The following HPSE2 variants were observed in gnomAD, a reference collection of about 807,000 sequenced individuals.
HPSE2 encodes the protein inactive heparanase-2.
A neutral mutation model predicts 60.5 loss-of-function variants in HPSE2; 38 were observed. That is an observed-to-expected ratio of 0.63 (90% CI 0.48 to 0.82). HPSE2 has a LOEUF of 0.82. Among genes scored for constraint, HPSE2 ranks in the 40% least tolerant of loss-of-function variants. The probability of loss-of-function intolerance (pLI) is 0.00; values close to 1 mark genes in which losing one functional copy is unlikely to be tolerated. For missense variants in HPSE2, 713 were observed against 740.4 expected (o/e 0.96, Z 0.43); for synonymous variants, 295 against 293.2 (o/e 1.01, Z -0.06).
chr10:98,547,583 C>T (rs1215297565), intron 9 of HPSE2, among the ~76,000 whole-genome samples: 3 of 138,548 alleles, frequency 2.2e-5, no homozygotes, highest in African/African-American at 8.1e-5. Flanking sequence ...CATGTTCTCA[C>T]TCATAGGTGG....
At chr10:98,471,197 T>C (rs985545762) in intron 11 of HPSE2, among the ~76,000 whole-genome samples, 1 of 152,178 alleles carries the variant, frequency 6.6e-6, no homozygotes, top group African/African-American at 2.4e-5. Context: ...ATACAAATCA[T>C]CTGGGATCTT....
intron 9 of HPSE2, among the ~76,000 whole-genome samples, chr10:98,509,143 G>A (rs548366231): frequency 7.9e-4 from 120 of 152,090 alleles, no homozygotes; most frequent in Middle Eastern, 3.4e-3. Flanking sequence ...GTGAAACACT[G>A]TCTCTACTAA....
At chr10:98,781,669 C>A (rs1439200424) in intron 3 of HPSE2, among the ~76,000 whole-genome samples, 1 of 151,800 alleles carries the variant, frequency 6.6e-6, no homozygotes, top group African/African-American at 2.4e-5. Flanking sequence ...TTTTCTCCAC[C>A]AAATTGGCAG....
intron 3 of HPSE2, among the ~76,000 whole-genome samples, chr10:99,059,754 TA>T (rs1234123040): frequency 1.3e-5 from 2 of 152,100 alleles, no homozygotes; most frequent in Non-Finnish European, 2.9e-5. Context: ...TGTTTGCAAA[TA>T]TTTTTAACAG....
the HPSE2 span, among the ~76,000 whole-genome samples, chr10:99,285,742 T>C: frequency 9.4e-3 from 1,435 of 152,096 alleles, 26 homozygotes; most frequent in African/African-American, 0.033. Flanking sequence ...CTGGGCAACA[T>C]GGTGAGATCC....
At chr10:98,729,819 CAT>C (rs750450018) in intron 4 of HPSE2, among the ~76,000 whole-genome samples, 13 of 151,858 alleles carry the variant, frequency 8.6e-5, no homozygotes, top group Non-Finnish European at 7.4e-5. Context: ...CAATTAGAAA[CAT>C]ATATATACCT....
intron 3 of HPSE2, among the ~76,000 whole-genome samples, chr10:99,112,479 C>T (rs979063974): frequency 6.6e-6 from 1 of 150,810 alleles, no homozygotes; most frequent in Non-Finnish European, 1.5e-5. Flanking sequence ...TTAGTAGAGA[C>T]GGGGTTTCAC....
the HPSE2 span, among the ~76,000 whole-genome samples, chr10:99,286,202 T>A: frequency 6.6e-6 from 1 of 152,202 alleles, no homozygotes; most frequent in Non-Finnish European, 1.5e-5. Flanking sequence ...ACCAACAATA[T>A]GACCCAACAA....
At chr10:98,719,357 A>G (rs1366437121) in intron 5 of HPSE2, among the ~76,000 whole-genome samples, 2 of 152,128 alleles carry the variant, frequency 1.3e-5, no homozygotes, top group Non-Finnish European at 2.9e-5. Flanking sequence ...GATAAGTGCT[A>G]TAGCAGAAAA....
chr10:98,885,120 C>T (rs917476652), intron 3 of HPSE2, among the ~76,000 whole-genome samples: 3 of 152,106 alleles, frequency 2.0e-5, no homozygotes, highest in African/African-American at 7.2e-5. Context: ...GAAATTGATT[C>T]CAACCCTTAT....
At chr10:99,256,825 G>A in the HPSE2 span, among the ~76,000 whole-genome samples, 3 of 152,048 alleles carry the variant, frequency 2.0e-5, no homozygotes, top group South Asian at 2.1e-4. Flanking sequence ...AGGCTGAGGC[G>A]AGCAGATCAC....
chr10:98,626,688 G>T (rs1243890818), intron 7 of HPSE2, among the ~76,000 whole-genome samples: 2 of 152,148 alleles, frequency 1.3e-5, no homozygotes, highest in Non-Finnish European at 2.9e-5. Flanking sequence ...GATGTTAAAT[G>T]AAATGAAATT....
intron 3 of HPSE2, among the ~76,000 whole-genome samples, chr10:98,791,002 T>C (rs1448471253): frequency 6.6e-6 from 1 of 152,156 alleles, no homozygotes; most frequent in South Asian, 2.1e-4. Flanking sequence ...TCAAAGCAGA[T>C]GTGATAGGGC....
At chr10:99,128,409 C>T (rs1845247858) in intron 3 of HPSE2, among the ~76,000 whole-genome samples, 1 of 151,970 alleles carries the variant, frequency 6.6e-6, no homozygotes, top group Admixed American at 6.6e-5. Context: ...TTCACAATAG[C>T]AAAGACATGG....
intron 3 of HPSE2, among the ~76,000 whole-genome samples, chr10:99,081,209 T>TA (rs1843124778): frequency 6.6e-6 from 1 of 152,178 alleles, no homozygotes; most frequent in African/African-American, 2.4e-5. Context: ...ATTGTTCTGG[T>TA]AAGAAAGAAA....
intron 3 of HPSE2, among the ~76,000 whole-genome samples, chr10:98,763,141 T>C (rs1950043829): frequency 6.6e-6 from 1 of 151,082 alleles, no homozygotes; most frequent in South Asian, 2.1e-4. Flanking sequence ...ACAGGAGAAA[T>C]ATACAATTTA....
At chr10:99,098,686 A>G (rs1405407080) in intron 3 of HPSE2, among the ~76,000 whole-genome samples, 1 of 152,204 alleles carries the variant, frequency 6.6e-6, no homozygotes, top group Non-Finnish European at 1.5e-5. Context: ...TATTACACAT[A>G]GAAAATATGT....
At chr10:98,960,892 T>A (rs28530771) in intron 3 of HPSE2, among the ~76,000 whole-genome samples, 1 of 72,114 alleles carries the variant, frequency 1.4e-5, no homozygotes. Context: ...CCCTCCCCCC[T>A]CCCCCGACCC....
At chr10:98,602,044 T>G (rs572268231) in intron 9 of HPSE2, among the ~76,000 whole-genome samples, 2 of 152,316 alleles carry the variant, frequency 1.3e-5, no homozygotes, top group South Asian at 4.1e-4. Context: ...CAGGTCGGGT[T>G]GGGGATATAA....
Sources: gnomAD v4.1 joint callset for allele counts (sites outside exome capture counted in the v4.1 genomes callset) on GRCh38, gnomAD v4.1.1 for gene constraint, MANE v1.5 for transcripts, NCBI Gene and HGNC (gene_info 2026-07-23, HGNC 2026-07-21) for gene names.